The following EPHA3 variants were observed in gnomAD, a reference collection of about 807,000 sequenced individuals.
EPHA3 encodes ephrin type-A receptor 3.
A neutral mutation model predicts 107.1 loss-of-function variants in EPHA3; 42 were observed. The observed-to-expected ratio is 0.39, with a 90% CI of 0.31 to 0.51. EPHA3 has a LOEUF of 0.51. Among genes scored for constraint, EPHA3 ranks in the 20% least tolerant of loss-of-function variants. The probability of loss-of-function intolerance (pLI) is 0.78; values close to 1 mark genes in which losing one functional copy is unlikely to be tolerated. For synonymous variants in EPHA3, 461 were observed against 424.8 expected, an observed-to-expected ratio of 1.09 and a Z score of -1.05; for missense variants, 1,183 against 1,211.2, an observed-to-expected ratio of 0.98 and a Z score of 0.35.
intron 3 of EPHA3, among the ~76,000 whole-genome samples, chr3:89,218,823 G>C (rs1704280986): frequency 6.6e-6 from 1 of 152,122 alleles, no homozygotes; most frequent in South Asian, 2.1e-4. Flanking sequence ...TAAAAAGTCA[G>C]GAAACAACAG....
intron 3 of EPHA3, among the ~76,000 whole-genome samples, chr3:89,213,674 TAATC>T (rs1308605337): frequency 6.6e-6 from 1 of 151,996 alleles, no homozygotes; most frequent in Non-Finnish European, 1.5e-5. Context: ...TGCTTTAAAA[TAATC>T]AATTGTTTCT....
At chr3:89,320,762 C>T (rs73846140) in intron 3 of EPHA3, among the ~76,000 whole-genome samples, 5,332 of 152,050 alleles carry the variant, frequency 0.035, 330 homozygotes, top group African/African-American at 0.12. Context: ...TCTTTTATAA[C>T]TCCTGAAAAA....
At chr3:89,249,927 G>A (rs1282194176) in intron 3 of EPHA3, among the ~76,000 whole-genome samples, 2 of 152,120 alleles carry the variant, frequency 1.3e-5, no homozygotes, top group East Asian at 3.9e-4. Context: ...CTACAATTCT[G>A]ATAGATACAC....
At chr3:89,283,914 G>T (rs541617576) in intron 3 of EPHA3, among the ~76,000 whole-genome samples, 8 of 151,954 alleles carry the variant, frequency 5.3e-5, no homozygotes, top group Non-Finnish European at 1.0e-4. Flanking sequence ...TCCATATCAG[G>T]TTTATAATCA....
Position 89,242,291 on chromosome 3 carries a change from C to A in EPHA3, c.814+31771C>A, listed in dbSNP as rs572088644. On this transcript the variant is annotated intron_variant, in intron 3 of 16. Transcript: ENST00000336596. Reference sequence around the variant, plus strand: ...ATTTCCATTAAAAATAATTAGCAATCATGTCTTGGGAGATACACATTGATA... The same window carrying A: ...ATTTCCATTAAAAATAATTAGCAATAATGTCTTGGGAGATACACATTGATA... Among the ~76,000 whole-genome samples, 9 of 152,318 alleles carry A rather than the reference C, an allele frequency of 5.9e-5. No individual in the cohort carries two copies. In the South Asian group the frequency reaches 1.9e-3, roughly 32 times the overall value.
At chr3:89,334,627 G>A (rs533175269) in intron 3 of EPHA3, among the ~76,000 whole-genome samples, 2 of 152,260 alleles carry the variant, frequency 1.3e-5, no homozygotes, top group South Asian at 2.1e-4. Flanking sequence ...TTCACTGCTA[G>A]GTGCTGGATG....
chr3:89,419,583 G>A (rs954606521), intron 11 of EPHA3, among the ~76,000 whole-genome samples, 193 bp downstream of exon 11: 5 of 151,180 alleles, frequency 3.3e-5, no homozygotes, highest in African/African-American at 1.2e-4. Context: ...TGACAGTACT[G>A]TTTTAGACCT....
intron 8 of EPHA3, 25 bp from the exon 9 acceptor site, chr3:89,408,042 T>A (rs1242765959): frequency 6.2e-7 from 1 of 1,609,892 alleles, no homozygotes; most frequent in Non-Finnish European, 8.5e-7. Flanking sequence ...CTCTTATGTG[T>A]TCGCTTTCCT....
intron 5 of EPHA3, among the ~76,000 whole-genome samples, chr3:89,353,631 T>C (rs1438411520): frequency 3.3e-5 from 5 of 151,350 alleles, no homozygotes; most frequent in South Asian, 4.2e-4. Context: ...TGATGTGTCA[T>C]AGTGTGGCCA....
chr3:89,288,859 T>C (rs1197133687), intron 3 of EPHA3, among the ~76,000 whole-genome samples: 2 of 152,192 alleles, frequency 1.3e-5, no homozygotes, highest in Non-Finnish European at 2.9e-5. Flanking sequence ...CTGAGATTGA[T>C]TAAAATGCTT....
intron 2 of EPHA3, among the ~76,000 whole-genome samples, chr3:89,169,303 T>A (rs1244794494): frequency 6.6e-6 from 1 of 152,204 alleles, no homozygotes; most frequent in East Asian, 1.9e-4. Context: ...AAAATTTTTT[T>A]ATAGATATTG....
chr3:89,317,299 A>C (rs751089442), intron 3 of EPHA3, among the ~76,000 whole-genome samples: 18 of 151,836 alleles, frequency 1.2e-4, no homozygotes, highest in Non-Finnish European at 2.7e-4. Context: ...AGACAACAGG[A>C]CTTTTCCTAT....
At chr3:89,413,303 A>T in intron 10 of EPHA3, 37 bp downstream of exon 10, 1 of 1,609,924 alleles carries the variant, frequency 6.2e-7, no homozygotes, top group East Asian at 2.2e-5. Flanking sequence ...TTAGTACTGT[A>T]TGTGAATCAC....
At chr3:89,347,671 G>C (rs1322687699) in intron 5 of EPHA3, among the ~76,000 whole-genome samples, 2 of 150,742 alleles carry the variant, frequency 1.3e-5, no homozygotes, top group African/African-American at 2.4e-5. Flanking sequence ...AGTGGTGAGA[G>C]AGGGCATCCC....
chr3:89,255,640 C>A (rs1705267692), intron 3 of EPHA3, among the ~76,000 whole-genome samples: 1 of 151,920 alleles, frequency 6.6e-6, no homozygotes, highest in African/African-American at 2.4e-5. Flanking sequence ...GTGGCTCATG[C>A]CTGTAATCCT....
chr3:89,135,171 A>T (rs1215268607), intron 2 of EPHA3, among the ~76,000 whole-genome samples: 3 of 152,150 alleles, frequency 2.0e-5, no homozygotes, highest in African/African-American at 7.2e-5. Context: ...TTACTTTTTC[A>T]TGGAGACCTC....
chr3:89,182,104 CCTTCT>C (rs1178843132), intron 2 of EPHA3, among the ~76,000 whole-genome samples: 1 of 151,200 alleles, frequency 6.6e-6, no homozygotes, highest in Non-Finnish European at 1.5e-5. Flanking sequence ...TCCCCTTTAT[CCTTCT>C]CTTCTCTTCT....
intron 3 of EPHA3, among the ~76,000 whole-genome samples, chr3:89,233,939 A>G (rs1704693319): frequency 6.6e-6 from 1 of 152,174 alleles, no homozygotes; most frequent in African/African-American, 2.4e-5. Context: ...ATCCTTTGTG[A>G]AGGCAGGAAG....
chr3:89,402,368 T>G (rs1002426512), intron 7 of EPHA3, among the ~76,000 whole-genome samples: 9 of 152,174 alleles, frequency 5.9e-5, no homozygotes, highest in Non-Finnish European at 1.3e-4. Context: ...CCCTCCTCAT[T>G]TATTTAAAAA....
Sources: gnomAD v4.1 joint callset for allele counts (sites outside exome capture counted in the v4.1 genomes callset) on GRCh38, gnomAD v4.1.1 for gene constraint, MANE v1.5 for transcripts, NCBI Gene and HGNC (gene_info 2026-07-23, HGNC 2026-07-21) for gene names.